SEPTIN9: variants seen among roughly 807,000 people sequenced by gnomAD.
The protein encoded by SEPTIN9 is septin-9.
SEPTIN9 carries 13 observed loss-of-function variants against 56.6 expected under a neutral mutation model. The observed-to-expected ratio is 0.23, with a 90% CI of 0.15 to 0.37. The LOEUF (loss-of-function observed/expected upper bound fraction) is 0.37. Among genes scored for constraint, SEPTIN9 ranks in the 10% least tolerant of loss-of-function variants. The pLI is 1.00. For missense variants in SEPTIN9, 650 were observed against 823.1 expected, an observed-to-expected ratio of 0.79 and a Z score of 2.57; for synonymous variants, 332 against 334.1, an observed-to-expected ratio of 0.99 and a Z score of 0.07.
In SEPTIN9 at chr17:77,313,436, A is replaced by G. The variant is rs2032586086; in HGVS notation, c.76+6239A>G. Among the ~76,000 whole-genome samples, 1 of 152,214 alleles carries G rather than the reference A, an allele frequency of 6.6e-6. No homozygotes were observed. On this transcript the variant is annotated intron_variant, in intron 2 of 11. Coordinates refer to ENST00000427177, the MANE Select transcript of SEPTIN9 (RefSeq NM_001113491.2). The surrounding 1 kb of genome is among the most constrained non-coding windows in gnomAD (Gnocchi z 4.5). ...CCCTGCAGCGGCCCCAAGGGCAGAG[A>G]TAGCTGGATTGTATTTATTTAGGAA...
chr17:77,345,027 G>A (rs2033848305), intron 2 of SEPTIN9, among the ~76,000 whole-genome samples: 1 of 147,486 alleles, frequency 6.8e-6, no homozygotes, highest in Admixed American at 6.7e-5. Context: ...TAGCATAGAT[G>A]AGCCTTGAAG....
At chr17:77,378,530 A>G (rs2035016992) in intron 2 of SEPTIN9, among the ~76,000 whole-genome samples, 1 of 152,152 alleles carries the variant, frequency 6.6e-6, no homozygotes, top group Non-Finnish European at 1.5e-5. Flanking sequence ...GGCATTTGCA[A>G]AGGACAGGTA....
chr17:77,490,737 T>G lies in SEPTIN9; in HGVS notation c.1263-5T>G. 7 of 1,561,030 alleles carry G rather than the reference T, an allele frequency of 4.5e-6. No individual in the cohort carries two copies. Among genetic ancestry groups the G allele is most frequent in the Non-Finnish European group, 5.2e-6 (6 of 1,151,590 alleles). ...ATGAGCCTCACGCACATCCCTCTGC[T>G]TCAGCCTCAGGCCCCTGGACATCGA... is the stretch of plus-strand genomic sequence containing the variant. On this transcript the variant is annotated splice_region_variant and splice_polypyrimidine_tract_variant and intron_variant, in intron 7 of 11. Transcript: ENST00000427177.
chr17:77,290,769 T>A (rs1180966733), intron 1 of SEPTIN9, among the ~76,000 whole-genome samples: 1 of 149,720 alleles, frequency 6.7e-6, no homozygotes, highest in Non-Finnish European at 1.5e-5. Flanking sequence ...GAGCCGAGAT[T>A]GCGCCAGTGC....
rs1276701062 is a variant in SEPTIN9, at chr17:77,400,931, G to T, written c.77-1128G>T. The stretch of plus-strand genomic sequence containing the variant: ...AGGTACCATCCCCACTGCCTCCGAG[G>T]GAGCAGACCCTGGTGGAGAGGCAGG... On this transcript the variant is annotated intron_variant, in intron 2 of 11. Coordinates refer to ENST00000427177, the MANE Select transcript of SEPTIN9 (RefSeq NM_001113491.2). This position sits in a 1 kb window ranked among gnomAD's most constrained non-coding sequence, Gnocchi z 4.1. Among the ~76,000 whole-genome samples the T allele has an allele frequency of 2.6e-5, 4 of 152,168 alleles. No individual in the cohort carries two copies. Among genetic ancestry groups the T allele is most frequent in the Admixed American group, 6.5e-5 (1 of 15,272 alleles).
At chr17:77,346,124 TAG>T (rs2033884796) in intron 2 of SEPTIN9, among the ~76,000 whole-genome samples, 1 of 151,812 alleles carries the variant, frequency 6.6e-6, no homozygotes, top group Non-Finnish European at 1.5e-5. Context: ...GTATTTTTAG[TAG>T]AGACAGGGTT....
intron 3 of SEPTIN9, among the ~76,000 whole-genome samples, chr17:77,417,167 G>A (rs548716901): frequency 1.3e-5 from 2 of 152,314 alleles, no homozygotes; most frequent in African/African-American, 2.4e-5. Flanking sequence ...ATGAACATAA[G>A]GAAGTGTACT....
chr17:77,345,335 A>G (rs1001682280), intron 2 of SEPTIN9, among the ~76,000 whole-genome samples: 11 of 152,236 alleles, frequency 7.2e-5, no homozygotes, highest in Non-Finnish European at 1.5e-4. Flanking sequence ...ACTTTAAGGC[A>G]TGTATGCAAA....
At chr17:77,490,934 CG>C (rs1259983331) in intron 8 of SEPTIN9, 75 bp downstream of exon 8, 1 of 1,157,282 alleles carries the variant, frequency 8.6e-7, no homozygotes, top group Non-Finnish European at 1.3e-6. Context: ...GGGGCCACCC[CG>C]TCTAAAGGAG....
chr17:77,293,583 T>G (rs1394702686), intron 1 of SEPTIN9, among the ~76,000 whole-genome samples: 1 of 152,210 alleles, frequency 6.6e-6, no homozygotes, highest in Admixed American at 6.5e-5. Flanking sequence ...TGGTGTGGGC[T>G]TATACAGCCC....
In SEPTIN9 at chr17:77,413,438, G is replaced by T. The variant is rs73375303; in HGVS notation, c.721+10735G>T. On this transcript the variant is annotated intron_variant, in intron 3 of 11. Coordinates refer to ENST00000427177, the MANE Select transcript of SEPTIN9 (RefSeq NM_001113491.2). The stretch of plus-strand genomic sequence containing the variant: ...AAATCCGTCAGCTTATTCCGAGGGG[G>T]TTGCTTTAGCTCGCTTAGTGAGGAC... 5.3e-4 allele frequency among the ~76,000 whole-genome samples: 81 copies of T among 152,248 alleles called. 2 individuals carry two copies. The highest frequency in any genetic ancestry group is 1.9e-3 in the African/African-American group (77 of 41,542).
At chr17:77,350,530 G>A (rs1314496422) in intron 2 of SEPTIN9, among the ~76,000 whole-genome samples, 4 of 152,134 alleles carry the variant, frequency 2.6e-5, no homozygotes, top group East Asian at 1.9e-4. Context: ...ACTTCTGCAC[G>A]TGTTCTCTAG....
chr17:77,354,934 T>C (rs2034180160), intron 2 of SEPTIN9, among the ~76,000 whole-genome samples: 1 of 151,986 alleles, frequency 6.6e-6, no homozygotes, highest in East Asian at 1.9e-4. Flanking sequence ...CTCAGAGGCC[T>C]TGAGTCACTT....
intron 2 of SEPTIN9, chr17:77,320,080 CGTTTT>C (rs1399522134): frequency 7.7e-6 from 11 of 1,420,068 alleles, no homozygotes; most frequent in African/African-American, 1.4e-5. Context: ...TTTTTCCTCC[CGTTTT>C]GAAGAGACAA....
At chr17:77,292,818 C>G (rs548231661) in intron 1 of SEPTIN9, among the ~76,000 whole-genome samples, 84 of 152,018 alleles carry the variant, frequency 5.5e-4, no homozygotes, top group African/African-American at 1.8e-3. Flanking sequence ...CATAAGCCAC[C>G]AGGCCTGGCT....
intron 2 of SEPTIN9, among the ~76,000 whole-genome samples, chr17:77,387,061 C>T (rs1027724428): frequency 6.6e-6 from 1 of 152,210 alleles, no homozygotes; most frequent in African/African-American, 2.4e-5. Context: ...CTTTGGGTAC[C>T]AGGCTTAGCA....
At chr17:77,452,560 C>T (rs1369974512) in intron 3 of SEPTIN9, among the ~76,000 whole-genome samples, 1 of 152,112 alleles carries the variant, frequency 6.6e-6, no homozygotes, top group East Asian at 1.9e-4. Context: ...AATATGCCAC[C>T]CGGAAGCAGG....
chr17:77,311,867 C>A (rs1267070755), intron 2 of SEPTIN9, among the ~76,000 whole-genome samples: 1 of 151,984 alleles, frequency 6.6e-6, no homozygotes, highest in African/African-American at 2.4e-5. Flanking sequence ...AGGACCTTGC[C>A]CCTGGGCTCT....
rs557154026 is a variant in SEPTIN9 at position 77,482,291 on chromosome 17, G to T, written c.869G>T (p.Arg290Leu). Residue 290 changes from arginine (R) to leucine (L), a missense_variant, in exon 4 of 12, where the codon CGG becomes CTG. This residue lies in a region of SEPTIN9 where 333 missense variants were observed against 494.0 expected (regional missense o/e 0.67). Transcript: ENST00000427177. ...GACTCCATCCTGGAGCAGATGCGCC[G>T]GAAGGCCATGAAGCAGGGCTTCGAG... ...GIDSILEQMR[R>L]KAMKQGFEFN... 1.9e-6 allele frequency: 3 copies of T among 1,613,094 alleles called. No homozygotes were observed. Among genetic ancestry groups the T allele is most frequent in the Non-Finnish European group, 2.5e-6 (3 of 1,179,872 alleles).
Sources: gnomAD v4.1 joint callset for allele counts (sites outside exome capture counted in the v4.1 genomes callset) on GRCh38, gnomAD v4.1.1 for gene constraint, gnomAD v4.1.1 regional missense constraint, Gnocchi (gnomAD v3.1) non-coding constraint, MANE v1.5 for transcripts, NCBI Gene and HGNC (gene_info 2026-07-23, HGNC 2026-07-21) for gene names.